The following PDE4D variants were observed in gnomAD, a reference collection of about 807,000 sequenced individuals.
PDE4D encodes 3',5'-cyclic-AMP phosphodiesterase 4D.
A neutral mutation model predicts 87.4 loss-of-function variants in PDE4D; 24 were observed. That is an observed-to-expected ratio of 0.27 (90% CI 0.20 to 0.39). The LOEUF is 0.39. Among genes scored for constraint, PDE4D ranks in the 10% least tolerant of loss-of-function variants. The pLI is 1.00. For synonymous variants in PDE4D, 384 were observed against 383.2 expected (o/e 1.00, Z -0.02); for missense variants, 714 against 1,041.0 (o/e 0.69, Z 4.32).
intron 1 of PDE4D, among the ~76,000 whole-genome samples, chr5:60,243,160 T>G (rs1747325283): frequency 6.6e-6 from 1 of 151,810 alleles, no homozygotes; most frequent in Non-Finnish European, 1.5e-5. Context: ...ACTGTAGAAA[T>G]TCAAAGGATC....
In PDE4D at chr5:59,891,787, TCACACA is replaced by T. The variant is rs55796463; in HGVS notation, c.455+1375_455+1380del. Among the ~76,000 whole-genome samples, 16 of 150,376 alleles carry T rather than the reference TCACACA, an allele frequency of 1.1e-4. No individual in the cohort carries two copies. In the East Asian group the frequency reaches 2.7e-3, roughly 26 times the overall value. On this transcript the variant is annotated intron_variant, in intron 1 of 14. Transcript: ENST00000340635. Reference sequence around the variant, plus strand: ...TAGTGTATACAACAGAGAGACATGCTCACACACACACACACACACAAAACTCAAACA... The same window carrying T: ...TAGTGTATACAACAGAGAGACATGCTCACACACACACACAAAACTCAAACA...
At chr5:60,422,121 G>C (rs768686500) in intron 1 of PDE4D, among the ~76,000 whole-genome samples, 5 of 152,164 alleles carry the variant, frequency 3.3e-5, no homozygotes, top group Admixed American at 6.5e-5. Flanking sequence ...AAACACTCTG[G>C]AGGATATTAT....
At chr5:60,041,497 A>G (rs1244881557) in intron 2 of PDE4D, among the ~76,000 whole-genome samples, 3 of 152,222 alleles carry the variant, frequency 2.0e-5, no homozygotes, top group Admixed American at 2.0e-4. Context: ...AGTGAATTAC[A>G]GTGGCTGGCT....
chr5:60,353,075 A>G (rs759772591), intron 1 of PDE4D, among the ~76,000 whole-genome samples: 9 of 152,184 alleles, frequency 5.9e-5, no homozygotes, highest in Non-Finnish European at 1.2e-4. Context: ...GGCTGAATAC[A>G]TCTAAGTTGA....
chr5:59,468,991 G>C (rs540898971), intron 1 of PDE4D, among the ~76,000 whole-genome samples: 1 of 152,232 alleles, frequency 6.6e-6, no homozygotes, highest in Admixed American at 6.5e-5. Flanking sequence ...TGGTAGAAGG[G>C]TCTGCTTTCT....
intron 1 of PDE4D, among the ~76,000 whole-genome samples, chr5:59,762,399 TGTGTATATGTGTATATGGGTACAC>T (rs1762159524): frequency 1.4e-5 from 2 of 138,324 alleles, no homozygotes; most frequent in Admixed American, 7.1e-5. Context: ...TGGGTACACA[TGTGTATATGTGTATATGGGTACAC>T]ATGTGTATAT....
intron 1 of PDE4D, among the ~76,000 whole-genome samples, chr5:59,732,394 TCACACACACA>T (rs71604799): frequency 7.5e-5 from 11 of 146,212 alleles, no homozygotes; most frequent in African/African-American, 2.3e-4. Flanking sequence ...CAGGAGACAT[TCACACACACA>T]CACACACACA....
chr5:58,989,712 G>A (rs1241982998), intron 10 of PDE4D, 43 bp downstream of exon 10: 8 of 1,333,988 alleles, frequency 6.0e-6, no homozygotes, highest in Admixed American at 2.3e-5. Flanking sequence ...AGACCTTTAT[G>A]AGTGGCAAGT....
chr5:59,948,737 T>C (rs1480106823), intron 3 of PDE4D, among the ~76,000 whole-genome samples: 2 of 152,340 alleles, frequency 1.3e-5, no homozygotes, highest in Middle Eastern at 3.4e-3. Context: ...AAACCCTTCA[T>C]GTACAGAAAG....
chr5:59,759,022 G>A (rs375183536), intron 1 of PDE4D, among the ~76,000 whole-genome samples: 1 of 151,676 alleles, frequency 6.6e-6, no homozygotes, highest in Admixed American at 6.6e-5. Context: ...TGAATGAATC[G>A]CAGCTTTAAA....
At chr5:60,062,512 C>A (rs1260013046) in intron 2 of PDE4D, among the ~76,000 whole-genome samples, 3 of 152,148 alleles carry the variant, frequency 2.0e-5, no homozygotes, top group Non-Finnish European at 4.4e-5. Flanking sequence ...TGTGGCAACT[C>A]CTCAAGGATC....
chr5:59,876,924 A>G (rs1199737233), intron 1 of PDE4D, among the ~76,000 whole-genome samples: 1 of 152,202 alleles, frequency 6.6e-6, no homozygotes, highest in African/African-American at 2.4e-5. Flanking sequence ...ACAAAAATAC[A>G]TAGTAATTGT....
intron 3 of PDE4D, among the ~76,000 whole-genome samples, chr5:59,972,695 C>T (rs1455010880): frequency 2.0e-5 from 3 of 152,150 alleles, no homozygotes; most frequent in East Asian, 3.9e-4. Flanking sequence ...ATAAGACTAA[C>T]AGTTCACTTA....
At chr5:59,249,835 G>A (rs889339483) in intron 1 of PDE4D, among the ~76,000 whole-genome samples, 3 of 151,672 alleles carry the variant, frequency 2.0e-5, no homozygotes, top group South Asian at 2.1e-4. Flanking sequence ...TTTTCTATAC[G>A]TGTGTCGTAT....
intron 2 of PDE4D, among the ~76,000 whole-genome samples, chr5:60,046,819 T>C (rs1222323107): frequency 7.9e-5 from 12 of 151,504 alleles, no homozygotes; most frequent in South Asian, 2.1e-4. Flanking sequence ...GATATTGGTC[T>C]AAAATTCTCT....
intron 1 of PDE4D, among the ~76,000 whole-genome samples, chr5:59,719,847 A>T (rs965991839): frequency 2.0e-5 from 3 of 152,200 alleles, no homozygotes; most frequent in Non-Finnish European, 4.4e-5. Context: ...TGGGGATGCC[A>T]TCTTTATTCA....
chr5:60,471,997 C>A (rs1328943464), intron 1 of PDE4D, among the ~76,000 whole-genome samples: 1 of 152,022 alleles, frequency 6.6e-6, no homozygotes, highest in Non-Finnish European at 1.5e-5. Flanking sequence ...AGCATTTTTA[C>A]CGATAGTTAT....
chr5:59,617,589 A>T (rs1157737476), intron 1 of PDE4D, among the ~76,000 whole-genome samples: 2 of 152,172 alleles, frequency 1.3e-5, no homozygotes, highest in African/African-American at 4.8e-5. Flanking sequence ...TTATAAAAAG[A>T]ACACCATGTG....
At chr5:60,454,691 G>A (rs702557) in intron 1 of PDE4D, among the ~76,000 whole-genome samples, 16,834 of 152,134 alleles carry the variant, frequency 0.11, 1,334 homozygotes, top group East Asian at 0.37. Context: ...AATAGCTAAC[G>A]CATGCGGGGC....
Sources: allele counts gnomAD v4.1 joint callset (sites outside exome capture counted in the v4.1 genomes callset), GRCh38; gene constraint gnomAD v4.1.1; transcripts MANE v1.5; gene names NCBI Gene and HGNC (gene_info 2026-07-23, HGNC 2026-07-21).